The following RBFOX1 variants were observed in gnomAD, a reference collection of about 807,000 sequenced individuals.
RBFOX1 encodes RNA binding fox-1 homolog 1, also known as RNA binding protein fox-1 homolog 1.
RBFOX1 carries 8 observed loss-of-function variants against 57.7 expected under a neutral mutation model. That is an observed-to-expected ratio of 0.14 (90% CI 0.08 to 0.25). The LOEUF is 0.25. RBFOX1 is among the 10% of genes least tolerant of loss of function. The pLI, the probability that RBFOX1 is intolerant of heterozygous loss-of-function variation, is 1.00. For synonymous variants in RBFOX1, 326 were observed against 222.4 expected, an observed-to-expected ratio of 1.47 and a Z score of -4.15; for missense variants, 611 against 548.5, an observed-to-expected ratio of 1.11 and a Z score of -1.14.
At chr16:6,504,441 G>T (rs1014023154) in intron 2 of RBFOX1, among the ~76,000 whole-genome samples, 5 of 152,226 alleles carry the variant, frequency 3.3e-5, no homozygotes. Context: ...GTTTATGGAT[G>T]CACAGAGTAC....
At chr16:6,547,010 G>C (rs577634985) in intron 2 of RBFOX1, among the ~76,000 whole-genome samples, 1 of 152,314 alleles carries the variant, frequency 6.6e-6, no homozygotes, top group Non-Finnish European at 1.5e-5. Context: ...AGCTTAGCCA[G>C]GAGAGGCAGA....
At chr16:5,526,761 C>T (rs1184830670) in intron 2 of RBFOX1, among the ~76,000 whole-genome samples, 2 of 152,312 alleles carry the variant, frequency 1.3e-5, no homozygotes, top group East Asian at 1.9e-4. Context: ...CTGTAAAGTA[C>T]GTGACCTACT....
chr16:6,628,295 G>A (rs1335646382), intron 2 of RBFOX1, among the ~76,000 whole-genome samples: 4 of 152,146 alleles, frequency 2.6e-5, no homozygotes, highest in African/African-American at 4.8e-5. Flanking sequence ...TCCCGTTAAC[G>A]GTTCATTAAT....
At chr16:5,913,958 T>G (rs1201802202) in intron 4 of RBFOX1, among the ~76,000 whole-genome samples, 1 of 152,234 alleles carries the variant, frequency 6.6e-6, no homozygotes, top group Non-Finnish European at 1.5e-5. Flanking sequence ...CATGAGGACA[T>G]CAAGGGTCAG....
At chr16:7,453,349 C>G (rs1048423753) in intron 4 of RBFOX1, among the ~76,000 whole-genome samples, 1 of 151,884 alleles carries the variant, frequency 6.6e-6, no homozygotes, top group Non-Finnish European at 1.5e-5. Flanking sequence ...GATCATTGTC[C>G]TCATAGTTGA....
At position 7,707,885 on chromosome 16, in the gene RBFOX1, C is replaced by T. The variant is rs187685060; in HGVS notation, c.996-1171C>T. Reference sequence around the variant, plus strand: ...TGAGGACACCCCATTCGGTAAGTCACTTGCACAGGAATCTATTCCAGTATC... The same window carrying T: ...TGAGGACACCCCATTCGGTAAGTCATTTGCACAGGAATCTATTCCAGTATC... On this transcript the variant is annotated intron_variant, in intron 14 of 15. Coordinates refer to ENST00000550418, the MANE Select transcript of RBFOX1 (RefSeq NM_018723.4). Among the ~76,000 whole-genome samples, 10 of 152,292 alleles carry T rather than the reference C, an allele frequency of 6.6e-5. No individual in the cohort carries two copies. The East Asian group carries it at 1.7e-3, about 26-fold the overall frequency.
intron 4 of RBFOX1, among the ~76,000 whole-genome samples, chr16:6,010,377 A>C (rs889866274): frequency 6.6e-6 from 1 of 152,188 alleles, no homozygotes; most frequent in African/African-American, 2.4e-5. Flanking sequence ...TCTGGGGAGT[A>C]TGTTTTATAC....
At chr16:7,625,368 G>C (rs2059929153) in intron 10 of RBFOX1, among the ~76,000 whole-genome samples, 3 of 151,974 alleles carry the variant, frequency 2.0e-5, no homozygotes, top group African/African-American at 4.8e-5. Flanking sequence ...GTTTGGGGGT[G>C]GTTTCTTATT....
chr16:5,891,702 C>A (rs148737106), intron 4 of RBFOX1, among the ~76,000 whole-genome samples: 1 of 152,216 alleles, frequency 6.6e-6, no homozygotes, highest in East Asian at 1.9e-4. Flanking sequence ...TGAAGGGATC[C>A]ACCTGGGGAG....
At position 7,085,519 on chromosome 16, in the gene RBFOX1, G is replaced by A. The variant is rs117134398; in HGVS notation, c.27+33421G>A. ...GACCGATTCACCACCACTGCATCCC[G>A]GGTGCCTCCACAGAGATAGATACAG... On this transcript the variant is annotated intron_variant, in intron 4 of 15. Coordinates refer to ENST00000550418, the MANE Select transcript of RBFOX1 (RefSeq NM_018723.4). 2.1e-3 allele frequency among the ~76,000 whole-genome samples: 321 copies of A among 152,100 alleles called. 9 individuals carry two copies. The East Asian group carries it at 0.047, about 22-fold the overall frequency.
intron 3 of RBFOX1, among the ~76,000 whole-genome samples, chr16:5,778,669 C>T (rs1043415183): frequency 2.6e-5 from 4 of 152,268 alleles, no homozygotes; most frequent in Admixed American, 6.5e-5. Context: ...GCCAGGTGTC[C>T]TGTGCGTGGC....
chr16:6,656,533 G>GA (rs907849984), intron 3 of RBFOX1, among the ~76,000 whole-genome samples: 1 of 151,558 alleles, frequency 6.6e-6, no homozygotes, highest in African/African-American at 2.4e-5. Flanking sequence ...ATCTTGGTGG[G>GA]AAAAAGTCAT....
intron 3 of RBFOX1, among the ~76,000 whole-genome samples, chr16:5,817,780 G>A (rs73512600): frequency 0.03 from 4,582 of 150,250 alleles, 189 homozygotes; most frequent in African/African-American, 0.098. Flanking sequence ...CTGCAGCTCC[G>A]ACTCCCGGGT....
At chr16:6,599,624 A>C (rs1200089515) in intron 2 of RBFOX1, among the ~76,000 whole-genome samples, 1 of 152,150 alleles carries the variant, frequency 6.6e-6, no homozygotes, top group African/African-American at 2.4e-5. Flanking sequence ...TAATCTTTTT[A>C]TTCCTTTACT....
At chr16:6,574,226 G>C (rs770599498) in intron 2 of RBFOX1, among the ~76,000 whole-genome samples, 6 of 151,946 alleles carry the variant, frequency 3.9e-5, no homozygotes, top group Admixed American at 3.9e-4. Flanking sequence ...TATCTGTAAA[G>C]TGGGCTCCAG....
At chr16:5,887,020 C>A (rs1190211376) in intron 4 of RBFOX1, among the ~76,000 whole-genome samples, 1 of 152,214 alleles carries the variant, frequency 6.6e-6, no homozygotes, top group African/African-American at 2.4e-5. Context: ...CTGTGCATTG[C>A]AGAATGTTTA....
chr16:6,761,863 C>G (rs1233475836), intron 3 of RBFOX1, among the ~76,000 whole-genome samples: 4 of 152,012 alleles, frequency 2.6e-5, no homozygotes, highest in Non-Finnish European at 5.9e-5. Context: ...GCAACTACAT[C>G]TCTCATTCCA....
At chr16:6,434,827 A>G (rs531434381) in intron 2 of RBFOX1, among the ~76,000 whole-genome samples, 1 of 152,252 alleles carries the variant, frequency 6.6e-6, no homozygotes, top group South Asian at 2.1e-4. Context: ...TCTTCCAATG[A>G]TTTGTACCTC....
intron 2 of RBFOX1, among the ~76,000 whole-genome samples, chr16:6,602,191 T>C (rs1209079302): frequency 1.3e-5 from 2 of 152,194 alleles, no homozygotes; most frequent in Non-Finnish European, 2.9e-5. Flanking sequence ...TGTTGAATTT[T>C]AGGAGTTCTT....
Sources: gnomAD v4.1 joint callset for allele counts (sites outside exome capture counted in the v4.1 genomes callset) on GRCh38, gnomAD v4.1.1 for gene constraint, MANE v1.5 for transcripts, NCBI Gene and HGNC (gene_info 2026-07-23, HGNC 2026-07-21) for gene names.